The following ZBTB20 variants were observed in gnomAD, a reference collection of about 807,000 sequenced individuals.
ZBTB20 encodes the protein zinc finger and BTB domain containing 20.
In ZBTB20, 9 loss-of-function variants were observed where a neutral mutation model predicts 56.9. That is an observed-to-expected ratio of 0.16 (90% CI 0.10 to 0.28). The LOEUF (loss-of-function observed/expected upper bound fraction) is 0.28. Among genes scored for constraint, ZBTB20 ranks in the 10% least tolerant of loss-of-function variants. The pLI, the probability that ZBTB20 is intolerant of heterozygous loss-of-function variation, is 1.00. For missense variants in ZBTB20, 655 were observed against 1,003.0 expected, an observed-to-expected ratio of 0.65 and a Z score of 4.69; for synonymous variants, 417 against 420.7, an observed-to-expected ratio of 0.99 and a Z score of 0.11.
At chr3:114,829,679 G>A (rs545278501) in intron 4 of ZBTB20, among the ~76,000 whole-genome samples, 1 of 151,826 alleles carries the variant, frequency 6.6e-6, no homozygotes. Flanking sequence ...CACGGGAGAT[G>A]CAAGTATAAC....
intron 6 of ZBTB20, among the ~76,000 whole-genome samples, chr3:114,674,820 T>C (rs2061537739): frequency 6.6e-6 from 1 of 151,820 alleles, no homozygotes; most frequent in African/African-American, 2.4e-5. Flanking sequence ...TGAAAAACAT[T>C]TCAAATGTGG....
chr3:114,352,144 G>C (rs1415311766), intron 10 of ZBTB20, among the ~76,000 whole-genome samples: 1 of 152,198 alleles, frequency 6.6e-6, no homozygotes, highest in Admixed American at 6.5e-5. Flanking sequence ...AGCTTCGGCT[G>C]AGGTAGAGTG....
chr3:114,646,736 C>T (rs2059861354), intron 6 of ZBTB20, among the ~76,000 whole-genome samples: 1 of 152,138 alleles, frequency 6.6e-6, no homozygotes, highest in Admixed American at 6.5e-5. Context: ...TAAACTTTCC[C>T]AGGCAATTTG....
chr3:114,904,858 T>C (rs902523828), intron 3 of ZBTB20, among the ~76,000 whole-genome samples: 1 of 151,942 alleles, frequency 6.6e-6, no homozygotes, highest in South Asian at 2.1e-4. Context: ...GGAAATCATA[T>C]GGTAAACACC....
intron 4 of ZBTB20, among the ~76,000 whole-genome samples, chr3:114,895,040 T>A (rs2107645894): frequency 6.6e-6 from 1 of 152,256 alleles, no homozygotes; most frequent in South Asian, 2.1e-4. Context: ...TGCTGCAATA[T>A]AAACAGCCTG....
Position 114,351,076 on chromosome 3 carries a change from C to T in ZBTB20, c.1002G>A (p.Glu334=). 1 of 1,611,012 alleles carries T rather than the reference C, an allele frequency of 6.2e-7. No homozygotes were observed. The highest frequency in any genetic ancestry group is 8.5e-7 in the Non-Finnish European group (1 of 1,179,860). ...GCTGCCCGTAGTAGTCGTAATCGTC[C>T]TCCATCTCCTGCTTGATGTGGATGT... ...VGNIHIKQEM[E]DDYDYYGQQR... Residue 334 remains glutamate (E), a synonymous_variant, in exon 11 of 12, where the codon GAG becomes GAA. Transcript: ENST00000675478.
chr3:114,753,432 T>TATATATATAC lies in ZBTB20; in HGVS notation c.-343+47668_-343+47669insGTATATATAT, dbSNP rs1205435166. Among the ~76,000 whole-genome samples, 9 of 43,528 alleles carry TATATATATAC rather than the reference T, an allele frequency of 2.1e-4. 2 individuals are homozygous for TATATATATAC. Among genetic ancestry groups the TATATATATAC allele is most frequent in the South Asian group, 1.6e-3 (2 of 1,218 alleles). 28.6% of individuals were successfully genotyped at this position (43,528 alleles called of 152,430 possible). ...ACACACGTATATATATATATATATA[T>TATATATATAC]ACACACACACTTTTTTTTTTGAGAC... is the stretch of plus-strand genomic sequence containing the variant. On this transcript the variant is annotated intron_variant, in intron 5 of 11. Transcript: ENST00000675478.
At chr3:115,104,218 T>C (rs1025337831) in intron 1 of ZBTB20, among the ~76,000 whole-genome samples, 1 of 152,186 alleles carries the variant, frequency 6.6e-6, no homozygotes, top group Non-Finnish European at 1.5e-5. Flanking sequence ...GATGCGGATG[T>C]GGAGCAACAG....
intron 10 of ZBTB20, among the ~76,000 whole-genome samples, chr3:114,376,137 C>T (rs1320574308): frequency 1.3e-5 from 2 of 152,158 alleles, no homozygotes; most frequent in African/African-American, 4.8e-5. Flanking sequence ...ACATGTAGAG[C>T]TATAATAGTC....
At chr3:114,466,371 T>C (rs566841589) in intron 7 of ZBTB20, among the ~76,000 whole-genome samples, 4 of 152,296 alleles carry the variant, frequency 2.6e-5, no homozygotes, top group Admixed American at 2.0e-4. Flanking sequence ...AACTAATAAG[T>C]GGCACAGTCC....
intron 6 of ZBTB20, among the ~76,000 whole-genome samples, chr3:114,682,949 T>C (rs1200222261): frequency 2.0e-5 from 3 of 152,202 alleles, no homozygotes; most frequent in South Asian, 2.1e-4. Flanking sequence ...GCAGAGACTT[T>C]AGGTATTTTC....
intron 2 of ZBTB20, among the ~76,000 whole-genome samples, chr3:115,026,837 T>C (rs753220319): frequency 2.7e-5 from 4 of 150,144 alleles, no homozygotes; most frequent in Admixed American, 6.7e-5. Flanking sequence ...GGGAGGAAAA[T>C]AGAATAAAAA....
chr3:114,678,067 C>A (rs1052571909), intron 6 of ZBTB20, among the ~76,000 whole-genome samples: 6 of 152,076 alleles, frequency 3.9e-5, no homozygotes, highest in African/African-American at 1.4e-4. Context: ...ATAAAAAAAT[C>A]TTTCATATGC....
intron 2 of ZBTB20, among the ~76,000 whole-genome samples, chr3:114,979,243 T>C (rs1188420516): frequency 6.6e-6 from 1 of 151,924 alleles, no homozygotes; most frequent in Non-Finnish European, 1.5e-5. Context: ...CAAGAGAAAA[T>C]AGATGAAATG....
chr3:114,932,792 GCCTTGCTCTA>G (rs1429810114), intron 3 of ZBTB20, among the ~76,000 whole-genome samples: 1 of 151,334 alleles, frequency 6.6e-6, no homozygotes, highest in Non-Finnish European at 1.5e-5. Context: ...GTTCCTCAAA[GCCTTGCTCTA>G]GCATGCTGCT....
chr3:114,448,001 T>C (rs1446139896), intron 7 of ZBTB20, among the ~76,000 whole-genome samples: 1 of 152,170 alleles, frequency 6.6e-6, no homozygotes, highest in African/African-American at 2.4e-5. Flanking sequence ...TCATTGGTTG[T>C]TGAAGGAAAT....
At chr3:114,385,725 G>T (rs972866471) in intron 8 of ZBTB20, among the ~76,000 whole-genome samples, 5 of 152,068 alleles carry the variant, frequency 3.3e-5, no homozygotes, top group Non-Finnish European at 7.4e-5. Flanking sequence ...AAATTAGCTG[G>T]GCATGGTGGT....
chr3:114,962,563 GTATAATA>G (rs1356279198), intron 3 of ZBTB20, among the ~76,000 whole-genome samples: 1 of 152,058 alleles, frequency 6.6e-6, no homozygotes, highest in Non-Finnish European at 1.5e-5. Flanking sequence ...TGGGGCAGCA[GTATAATA>G]TAAAAGCTTA....
chr3:115,095,491 A>G (rs966174307), intron 1 of ZBTB20, among the ~76,000 whole-genome samples: 2 of 152,198 alleles, frequency 1.3e-5, no homozygotes, highest in African/African-American at 4.8e-5. Flanking sequence ...GCCAAAGTCA[A>G]GCATAATTTT....
Sources: allele counts gnomAD v4.1 joint callset (sites outside exome capture counted in the v4.1 genomes callset), GRCh38; gene constraint gnomAD v4.1.1; transcripts MANE v1.5; gene names NCBI Gene and HGNC (gene_info 2026-07-23, HGNC 2026-07-21).